Variants in DLG5 observed in about 807,000 individuals in gnomAD.
DLG5 encodes discs large MAGUK scaffold protein 5.
DLG5 carries 48 observed loss-of-function variants against 189.8 expected under a neutral mutation model. That is an observed-to-expected ratio of 0.25 (90% confidence interval 0.20 to 0.32). The LOEUF (loss-of-function observed/expected upper bound fraction) is 0.32. DLG5 is among the 10% of genes least tolerant of loss of function. DLG5 has a pLI of 1.00. For missense variants in DLG5, 2,160 were observed against 2,544.7 expected, an observed-to-expected ratio of 0.85 and a Z score of 3.25; for synonymous variants, 1,016 against 1,054.1, an observed-to-expected ratio of 0.96 and a Z score of 0.70.
chr10:77,831,874 C>A (rs113485048), intron 9 of DLG5, among the ~76,000 whole-genome samples: 21 of 152,342 alleles, frequency 1.4e-4, no homozygotes, highest in African/African-American at 5.1e-4. Flanking sequence ...AGATGTAGTT[C>A]TTAACATTTC....
Position 77,832,292 on chromosome 10 carries a change from G to A in DLG5, c.1749-1419C>T, listed in dbSNP as rs564550435. ...TGTGAAAGAGAGACTCAGAAGCCTC[G>A]TTATATCCTCAGGTGACTTGCCTGT... On this transcript the variant is annotated intron_variant, in intron 9 of 31. Transcript: ENST00000372391. Among the ~76,000 whole-genome samples the A allele has an allele frequency of 7.2e-5, 11 of 152,346 alleles. No individual in the cohort carries two copies. In the South Asian group the frequency reaches 8.3e-4, roughly 11 times the overall value.
intron 24 of DLG5, among the ~76,000 whole-genome samples, chr10:77,809,014 G>A (rs541878064): frequency 6.6e-5 from 10 of 151,982 alleles, no homozygotes; most frequent in Admixed American, 3.9e-4. Flanking sequence ...CAGGAGAATC[G>A]CTTGAACCTG....
In DLG5 at chr10:77,867,241, G is replaced by C. The variant is rs998368391; in HGVS notation, c.373+1888C>G. ...ATCAGCAGTAATTGCTATGGGTTAG[G>C]CAAATACCCCTCTCTGGAATCCCCT... On this transcript the variant is annotated intron_variant, in intron 2 of 31. Coordinates refer to ENST00000372391, the MANE Select transcript of DLG5 (RefSeq NM_004747.4). 6.4e-5 allele frequency: 24 copies of C among 377,030 alleles called. No homozygotes were observed. The Admixed American group carries it at 7.5e-4, about 12-fold the overall frequency. The allele number at this position is 377,030 out of a possible 1,614,324, so 23.4% of individuals were successfully genotyped here. A position where few individuals can be genotyped will look rare whatever the true frequency, so the allele number is the denominator to read the frequency against.
intron 2 of DLG5, among the ~76,000 whole-genome samples, chr10:77,865,752 A>G (rs960572862): frequency 3.3e-5 from 5 of 152,116 alleles, no homozygotes; most frequent in Non-Finnish European, 5.9e-5. Context: ...GCCTCGGGGA[A>G]GCTGTGTGTG....
intron 5 of DLG5, among the ~76,000 whole-genome samples, chr10:77,845,833 TTCACTGTTTTGTAAAATGGCA>T (rs1843660874): frequency 6.6e-6 from 1 of 151,746 alleles, no homozygotes; most frequent in Non-Finnish European, 1.5e-5. Flanking sequence ...AGTCAAAATC[TTCACTGTTTTGTAAAATGGCA>T]TCACTGTTGC....
chr10:77,906,739 C>G (rs61855853), intron 1 of DLG5, among the ~76,000 whole-genome samples: 10,634 of 149,926 alleles, frequency 0.071, 506 homozygotes, highest in Non-Finnish European at 0.1. Flanking sequence ...ACTCTCCTAT[C>G]TCAGCCTCCC....
chr10:77,821,995 T>A lies in DLG5; in HGVS notation c.2489A>T (p.His830Leu). ...GTGCTGTATCAAGTTCCGTTTGTTA[T>A]GAGCCTGGACCTCCGGGCCATGGGC... ...FRAHGPEVQA[H>L]NKRNLIQHNN... Residue 830 changes from histidine to leucine, a missense_variant, in exon 15 of 32, where the codon CAT (histidine) becomes CTT (leucine). Around this residue, in one of 5 missense-constraint regions of DLG5, gnomAD observed 754 missense variants for 746.5 expected, o/e 1.01. Coordinates refer to ENST00000372391, the MANE Select transcript of DLG5 (RefSeq NM_004747.4). 1 of 1,614,240 alleles carries A rather than the reference T, an allele frequency of 6.2e-7. No individual in the cohort carries two copies.
chr10:77,803,364 T>C (rs1466769350), intron 27 of DLG5, among the ~76,000 whole-genome samples: 2 of 152,242 alleles, frequency 1.3e-5, no homozygotes, highest in Non-Finnish European at 2.9e-5. Flanking sequence ...GCTGTATGTA[T>C]GTTACACTTG....
intron 1 of DLG5, among the ~76,000 whole-genome samples, chr10:77,915,472 C>T (rs1197057761): frequency 2.6e-5 from 4 of 152,182 alleles, no homozygotes; most frequent in African/African-American, 9.7e-5. Context: ...CCTCAGAACA[C>T]TGATGTCGCA....
chr10:77,802,889 G>A (rs1841287666), intron 27 of DLG5, among the ~76,000 whole-genome samples: 1 of 152,206 alleles, frequency 6.6e-6, no homozygotes, highest in South Asian at 2.1e-4. Context: ...GACAGAGCGA[G>A]ATTCTGCCTC....
intron 1 of DLG5, among the ~76,000 whole-genome samples, chr10:77,891,568 CAACA>C (rs879799125): frequency 1.3e-3 from 151 of 119,462 alleles, no homozygotes; most frequent in African/African-American, 3.1e-3. Context: ...CTCTGTCCCC[CAACA>C]GACACACACA....
chr10:77,900,537 C>T (rs557070262), intron 1 of DLG5, among the ~76,000 whole-genome samples: 3 of 152,282 alleles, frequency 2.0e-5, no homozygotes, highest in East Asian at 3.9e-4. Flanking sequence ...TGGTGGCTCA[C>T]GCCTGTAATC....
In DLG5 at chr10:77,830,893, C is replaced by T. The variant is rs1196459872; in HGVS notation, c.1749-20G>A. The T allele has an allele frequency of 2.6e-5, 42 of 1,612,934 alleles. No individual in the cohort carries two copies. Among genetic ancestry groups the T allele is most frequent in the Non-Finnish European group, 3.3e-5 (39 of 1,179,480 alleles). On this transcript the variant is annotated intron_variant, in intron 9 of 31. Transcript: ENST00000372391. The stretch of plus-strand genomic sequence containing the variant: ...TGTTCCCTGTGAACAGAGAGAGCCA[C>T]GGTGACAGCCCCTTGGGAGGTGAAA...
At chr10:77,923,601 A>C (rs1179935484) in intron 1 of DLG5, among the ~76,000 whole-genome samples, 1 of 152,108 alleles carries the variant, frequency 6.6e-6, no homozygotes, top group African/African-American at 2.4e-5. Context: ...TCTACACAAT[A>C]TACAAAAATT....
At position 77,812,332 on chromosome 10, in the gene DLG5, T is replaced by C. The variant is rs1305500318; in HGVS notation, c.4071A>G (p.Ser1357=). Residue 1357 remains serine, a synonymous_variant, in exon 21 of 32, where the codon TCA becomes TCG. Transcript: ENST00000372391. ...EPRHVKVQKG[S]EPLGISIVSG... ...TCACGATGGAGATGCCCAGCGGCTC[T>C]GAGCCCTTCTGCACCTTCACGTGGC... 1.2e-6 allele frequency: 2 copies of C among 1,614,186 alleles called. No individual in the cohort carries two copies. Among genetic ancestry groups the C allele is most frequent in the East Asian group, 4.5e-5 (2 of 44,888 alleles).
intron 1 of DLG5, among the ~76,000 whole-genome samples, chr10:77,882,363 T>C (rs1845308215): frequency 6.6e-6 from 1 of 152,198 alleles, no homozygotes; most frequent in Non-Finnish European, 1.5e-5. Context: ...CAGGCTGTCG[T>C]GCAGAGCAAA....
At chr10:77,895,519 A>G (rs913888157) in intron 1 of DLG5, among the ~76,000 whole-genome samples, 3 of 152,160 alleles carry the variant, frequency 2.0e-5, no homozygotes, top group Admixed American at 2.0e-4. Context: ...GACAGTTTAA[A>G]ATGTCCAGAC....
intron 13 of DLG5, among the ~76,000 whole-genome samples, chr10:77,825,415 C>CACAG (rs1491412699): frequency 4.0e-5 from 6 of 148,174 alleles, no homozygotes; most frequent in African/African-American, 1.5e-4. Context: ...CACACACACA[C>CACAG]AGTACCAATG....
chr10:77,936,487 G>A, the DLG5 span, among the ~76,000 whole-genome samples: 2 of 147,744 alleles, frequency 1.4e-5, no homozygotes, highest in Admixed American at 6.8e-5. Flanking sequence ...GAGAGGCCCA[G>A]ACCTAGTCAT....
Sources: gnomAD v4.1 joint callset for allele counts (sites outside exome capture counted in the v4.1 genomes callset) on GRCh38, gnomAD v4.1.1 for gene constraint, gnomAD v4.1.1 regional missense constraint, MANE v1.5 for transcripts, NCBI Gene and HGNC (gene_info 2026-07-23, HGNC 2026-07-21) for gene names.